Variants in DYSF observed in about 807,000 individuals in gnomAD.
DYSF encodes dysferlin.
In DYSF, 212 loss-of-function variants were observed where a neutral mutation model predicts 274.9. That is an observed-to-expected ratio of 0.77 (90% CI 0.69 to 0.86). The LOEUF (loss-of-function observed/expected upper bound fraction) is 0.86, where lower values mean the gene tolerates loss of function less well. Among genes scored for constraint, DYSF ranks in the 40% least tolerant of loss-of-function variants. The pLI is 0.00. For synonymous variants in DYSF, 1,091 were observed against 1,078.7 expected (o/e 1.01, Z -0.22); for missense variants, 2,666 against 2,783.2 (o/e 0.96, Z 0.95).
upstream of DYSF, among the ~76,000 whole-genome samples, chr2:71,466,299 C>T (rs1419157407): frequency 6.6e-6 from 1 of 152,234 alleles, no homozygotes; most frequent in Non-Finnish European, 1.5e-5. Context: ...ACACTCTCGT[C>T]CCCGCCGCTG....
chr2:71,553,584 C>T (rs988435799), intron 20 of DYSF, among the ~76,000 whole-genome samples: 7 of 152,202 alleles, frequency 4.6e-5, no homozygotes, highest in Admixed American at 4.6e-4. Context: ...AGCTCAGGCA[C>T]CTCTTCAGAC....
At chr2:71,576,367 G>A (rs527645768) in intron 30 of DYSF, 1 of 152,610 alleles carries the variant, frequency 6.6e-6, no homozygotes, top group South Asian at 2.1e-4. Context: ...CATCAGTCAA[G>A]CAGCCATGGA....
intron 14 of DYSF, among the ~76,000 whole-genome samples, chr2:71,534,691 C>T (rs1450987132): frequency 6.6e-6 from 1 of 152,142 alleles, no homozygotes; most frequent in East Asian, 1.9e-4. Flanking sequence ...CTCAGGGCCC[C>T]CACATTTAGG....
At chr2:71,526,418 T>TCGGGGGGGGGGGGGGGG in intron 13 of DYSF, 72 bp downstream of exon 13, 1 of 261,506 alleles carries the variant, frequency 3.8e-6, no homozygotes, top group Non-Finnish European at 7.0e-6. Flanking sequence ...GGGTGGGCGA[T>TCGGGGGGGGGGGGGGGG]GGCGGGCGGG....
At chr2:71,669,242 C>A in intron 50 of DYSF, 35 bp downstream of exon 50, 1 of 1,519,752 alleles carries the variant, frequency 6.6e-7, no homozygotes, top group Non-Finnish European at 9.0e-7. Context: ...TGTCCAGCTT[C>A]CCGCAGCTCC....
At chr2:71,571,860 C>T (rs2092490763) in intron 29 of DYSF, among the ~76,000 whole-genome samples, 1 of 143,172 alleles carries the variant, frequency 7.0e-6, no homozygotes, top group African/African-American at 2.6e-5. Flanking sequence ...ACACCCACCA[C>T]ACACAGATCA....
At chr2:71,572,473 A>G (rs758046545) in intron 29 of DYSF, among the ~76,000 whole-genome samples, 3 of 152,262 alleles carry the variant, frequency 2.0e-5, no homozygotes, top group African/African-American at 4.8e-5. Context: ...ACACCCATGG[A>G]CTTTGTCTTA....
Position 71,667,374 on chromosome 2 carries a change from A to G in DYSF, c.5318-2A>G. ...AACTTTTTTGTCTTCTCTCTGGGGC[A>G]GAGGCTGGCAGGATCCCAAACCCAC... On this transcript the variant is annotated splice_acceptor_variant, in intron 47 of 55. Coordinates refer to ENST00000410020, the MANE Select transcript of DYSF (RefSeq NM_001130987.2). LOFTEE classifies it high-confidence loss of function. The G allele has an allele frequency of 6.2e-7, 1 of 1,614,074 alleles. No homozygotes were observed. Among genetic ancestry groups the G allele is most frequent in the Non-Finnish European group, 8.5e-7 (1 of 1,180,030 alleles).
chr2:71,643,134 C>T (rs1268416946), intron 41 of DYSF, among the ~76,000 whole-genome samples: 1 of 152,068 alleles, frequency 6.6e-6, no homozygotes, highest in African/African-American at 2.4e-5. Context: ...TAGGACACCC[C>T]ACCTGCCGAG....
intron 24 of DYSF, among the ~76,000 whole-genome samples, chr2:71,565,651 G>C (rs1349320610): frequency 6.6e-6 from 1 of 152,212 alleles, no homozygotes; most frequent in Non-Finnish European, 1.5e-5. Context: ...TTGTCCCCTG[G>C]GGGGTGTGGA....
Position 71,511,688 on chromosome 2 carries a change from C to A in DYSF, c.346-119C>A, listed in dbSNP as rs2086110098. The A allele has an allele frequency of 5.3e-6, 4 of 756,548 alleles. No individual in the cohort carries two copies. The East Asian group carries it at 8.0e-5, about 15-fold the overall frequency. The allele number at this position is 756,548 out of a possible 1,614,324, so 46.9% of individuals were successfully genotyped here. ...TGGCTTTGCCACAGCCTCCTGCAAA[C>A]CTGGCTCTTGTCAGAGCCATATTCC... On this transcript the variant is annotated intron_variant, in intron 4 of 55. Transcript: ENST00000410020.
intron 41 of DYSF, among the ~76,000 whole-genome samples, chr2:71,624,442 T>A (rs1314799796): frequency 1.3e-5 from 2 of 152,236 alleles, no homozygotes; most frequent in Admixed American, 1.3e-4. Context: ...GATATCGGGG[T>A]TATACTAGTC....
intron 7 of DYSF, 36 bp from the exon 8 acceptor site, chr2:71,515,587 C>T (rs374137932): frequency 6.2e-6 from 10 of 1,613,766 alleles, no homozygotes; most frequent in Non-Finnish European, 8.5e-7. Flanking sequence ...TAACTCTTCC[C>T]CCTTCCTCCT....
chr2:71,575,082 G>C (rs2092657827), intron 30 of DYSF, among the ~76,000 whole-genome samples: 1 of 152,172 alleles, frequency 6.6e-6, no homozygotes. Flanking sequence ...TGGGGCCCTA[G>C]GGAGCAAGCC....
intron 22 of DYSF, among the ~76,000 whole-genome samples, chr2:71,559,332 CCCT>C (rs370976885): frequency 9.1e-4 from 138 of 151,756 alleles, no homozygotes; most frequent in African/African-American, 3.2e-3. Flanking sequence ...GCTCTGACTG[CCCT>C]CCTCCTCTTT....
chr2:71,651,536 A>T (rs1437334944), intron 42 of DYSF, among the ~76,000 whole-genome samples: 1 of 152,188 alleles, frequency 6.6e-6, no homozygotes, highest in Non-Finnish European at 1.5e-5. Flanking sequence ...TTACTTTCAA[A>T]GAGAGAGCTG....
chr2:71,507,726 C>G (rs1042612511), intron 4 of DYSF, among the ~76,000 whole-genome samples: 1 of 152,244 alleles, frequency 6.6e-6, no homozygotes, highest in Non-Finnish European at 1.5e-5. Flanking sequence ...GGGCCCAACT[C>G]AGGCCAAGTC....
intron 32 of DYSF, among the ~76,000 whole-genome samples, chr2:71,593,125 C>CTTTTTTTTTTTTTTTTTTTTTTT (rs35900869): frequency 1.2e-5 from 1 of 85,564 alleles, no homozygotes; most frequent in Admixed American, 1.4e-4. Flanking sequence ...TCAGTGACTT[C>CTTTTTTTTTTTTTTTTTTTTTTT]TTTTTTTTTT....
rs1196750802 is a variant in DYSF, at chr2:71,568,222, C to T, written c.2748C>T (p.Gly916=). The T allele has an allele frequency of 6.2e-7, 1 of 1,614,118 alleles. No homozygotes were observed. Reference sequence around the variant, plus strand: ...TTGTTGGGAACTGGGGCACAACGGGCCTCACCTACCCCAAGTTTTCTGACG... The same window carrying T: ...TTGTTGGGAACTGGGGCACAACGGGTCTCACCTACCCCAAGTTTTCTGACG... ...LALVGNWGTT[G]LTYPKFSDVT... Residue 916 remains glycine (G), a synonymous_variant, in exon 26 of 56, where the codon GGC becomes GGT. Coordinates refer to ENST00000410020, the MANE Select transcript of DYSF (RefSeq NM_001130987.2).
Sources: gnomAD v4.1 joint callset for allele counts (sites outside exome capture counted in the v4.1 genomes callset) on GRCh38, gnomAD v4.1.1 for gene constraint, MANE v1.5 for transcripts, NCBI Gene and HGNC (gene_info 2026-07-23, HGNC 2026-07-21) for gene names.